NHSL1: variants seen among roughly 807,000 people sequenced by gnomAD.
The protein encoded by NHSL1 is NHS like 1.
Under a neutral mutation model 95.0 loss-of-function variants are expected in NHSL1, and 48 were observed. The ratio of observed to expected loss-of-function variants is 0.51; its 90% CI spans 0.40 to 0.64. The LOEUF is 0.64. NHSL1 is among the 30% of genes least tolerant of loss of function. The pLI, the probability that NHSL1 is intolerant of heterozygous loss-of-function variation, is 0.00. For missense variants in NHSL1, 1,971 were observed against 2,077.7 expected, an observed-to-expected ratio of 0.95 and a Z score of 1.00; for synonymous variants, 783 against 833.9, an observed-to-expected ratio of 0.94 and a Z score of 1.05.
intron 1 of NHSL1, among the ~76,000 whole-genome samples, chr6:138,561,379 T>C (rs372421948): frequency 9.2e-5 from 14 of 152,274 alleles, no homozygotes; most frequent in Admixed American, 2.6e-4. Context: ...TATTCCCTCC[T>C]CTTCCCTCCA....
intron 1 of NHSL1, among the ~76,000 whole-genome samples, chr6:138,543,643 C>A (rs1468912872): frequency 6.6e-6 from 1 of 152,194 alleles, no homozygotes; most frequent in Non-Finnish European, 1.5e-5. Flanking sequence ...CCTTGGCTAG[C>A]CACAGACCAA....
Position 138,473,397 on chromosome 6 carries a change from G to T in NHSL1, c.248C>A (p.Ser83Tyr). The T allele has an allele frequency of 6.5e-7, 1 of 1,536,974 alleles. No homozygotes were observed. Among genetic ancestry groups the T allele is most frequent in the Non-Finnish European group, 8.8e-7 (1 of 1,140,312 alleles). The part of the protein sequence containing the change: ...DKLRHDGYRS[S>Y]QYYSQGPTFA... The stretch of plus-strand genomic sequence containing the variant: ...GGTGGGTCCCTGAGAGTAGTACTGA[G>T]AACTGCGGTAGCCATCATGCCGCAA... Residue 83 changes from serine to tyrosine, a missense_variant, in exon 3 of 8, where the codon TCT becomes TAT. This residue lies in a region of NHSL1 where 1,602 missense variants were observed against 1,654.5 expected (regional missense o/e 0.97). Transcript: ENST00000343505.
chr6:138,438,700 AG>A (rs1389562030), intron 5 of NHSL1, among the ~76,000 whole-genome samples: 21 of 152,164 alleles, frequency 1.4e-4, no homozygotes, highest in African/African-American at 5.1e-4. Context: ...TATGTAATTA[AG>A]GATGCTGAAT....
intron 3 of NHSL1, among the ~76,000 whole-genome samples, chr6:138,460,354 G>C (rs900841471): frequency 6.6e-6 from 1 of 151,670 alleles, no homozygotes; most frequent in Non-Finnish European, 1.5e-5. Flanking sequence ...ATCAAAAGAT[G>C]ATATACATCA....
intron 1 of NHSL1, among the ~76,000 whole-genome samples, chr6:138,507,549 T>C (rs563174269): frequency 9.8e-5 from 15 of 152,338 alleles, no homozygotes; most frequent in African/African-American, 3.4e-4. Flanking sequence ...GGTGTGATCT[T>C]ACACTTATGC....
Position 138,674,317 on chromosome 6 carries a change from G to A in NHSL1, c.96+18159C>T, listed in dbSNP as rs184877430. On this transcript the variant is annotated intron_variant, in intron 1 of 3. Transcript: ENST00000491526. ...GCGTGTAATTTGGTTATTTTATTGT[G>A]TGTTTTTTTTTAAGTTTCAGGGTAC... Among the ~76,000 whole-genome samples, 24 of 151,776 alleles carry A rather than the reference G, an allele frequency of 1.6e-4. 1 individual carries two copies. In the East Asian group the frequency reaches 4.6e-3, roughly 29 times the overall value.
chr6:138,675,706 G>A (rs529982983), intron 1 of NHSL1, among the ~76,000 whole-genome samples: 1 of 152,026 alleles, frequency 6.6e-6, no homozygotes, highest in Non-Finnish European at 1.5e-5. Flanking sequence ...GCTGATTTTT[G>A]TATTTCTAGT....
chr6:138,623,179 G>A (rs1784689323), intron 1 of NHSL1, among the ~76,000 whole-genome samples: 1 of 152,174 alleles, frequency 6.6e-6, no homozygotes, highest in Non-Finnish European at 1.5e-5. Context: ...GTGGGCAAAA[G>A]GCCAGTTTAG....
intron 1 of NHSL1, among the ~76,000 whole-genome samples, chr6:138,659,083 T>C (rs556012421): frequency 1.4e-5 from 2 of 141,342 alleles, no homozygotes; most frequent in Admixed American, 7.6e-5. Flanking sequence ...AGAGTCTCGC[T>C]CTGTCACCCA....
At chr6:138,487,486 T>TA (rs1174688950) in intron 2 of NHSL1, among the ~76,000 whole-genome samples, 3 of 152,224 alleles carry the variant, frequency 2.0e-5, no homozygotes, top group Non-Finnish European at 4.4e-5. Flanking sequence ...AGTATGCACT[T>TA]AGACAATTTT....
intron 1 of NHSL1, among the ~76,000 whole-genome samples, chr6:138,509,542 C>T (rs1355579562): frequency 6.6e-6 from 1 of 152,100 alleles, no homozygotes; most frequent in Non-Finnish European, 1.5e-5. Flanking sequence ...CCAGGAGAAA[C>T]TGACAAAATA....
chr6:138,429,600 G>T, intron 7 of NHSL1, 111 bp downstream of exon 7: 1 of 969,938 alleles, frequency 1.0e-6, no homozygotes, highest in Non-Finnish European at 1.5e-6. Flanking sequence ...AAGTTAAGGA[G>T]TTATGATTGG....
chr6:138,558,627 T>C (rs1783291573), intron 1 of NHSL1, among the ~76,000 whole-genome samples: 1 of 149,158 alleles, frequency 6.7e-6, no homozygotes, highest in Admixed American at 6.7e-5. Flanking sequence ...TTTCACCATG[T>C]TCAGGACGGT....
At chr6:138,521,971 A>G (rs1781701431) in intron 1 of NHSL1, among the ~76,000 whole-genome samples, 1 of 152,242 alleles carries the variant, frequency 6.6e-6, no homozygotes, top group Non-Finnish European at 1.5e-5. Flanking sequence ...CCAGAAGTGC[A>G]GCCAATGACT....
chr6:138,630,577 G>T (rs1056562400), intron 1 of NHSL1, among the ~76,000 whole-genome samples: 4 of 152,212 alleles, frequency 2.6e-5, no homozygotes, highest in Middle Eastern at 3.4e-3. Context: ...TAGAGATGGG[G>T]TTTCTCCATG....
intron 3 of NHSL1, among the ~76,000 whole-genome samples, chr6:138,452,692 T>C (rs1334393361): frequency 1.3e-5 from 2 of 152,200 alleles, no homozygotes; most frequent in Non-Finnish European, 2.9e-5. Context: ...TGTTGACTCT[T>C]GGTTTTCAAG....
intron 1 of NHSL1, among the ~76,000 whole-genome samples, chr6:138,609,378 A>G (rs544429888): frequency 6.6e-6 from 1 of 152,314 alleles, no homozygotes; most frequent in East Asian, 1.9e-4. Flanking sequence ...CAGCCCAAGA[A>G]TTAGGCTGCT....
At chr6:138,452,820 C>CTTTT (rs112050516) in intron 3 of NHSL1, among the ~76,000 whole-genome samples, 1,792 of 149,636 alleles carry the variant, frequency 0.012, 46 homozygotes, top group African/African-American at 0.042. Context: ...TCTGTGCATT[C>CTTTT]TTTTTTTTTT....
chr6:138,546,448 A>AAAAAAAAAAAAAAAAAAAAAAAAAAAAAC (rs1562362745), upstream of NHSL1, among the ~76,000 whole-genome samples: 1 of 142,012 alleles, frequency 7.0e-6, no homozygotes, highest in African/African-American at 3.0e-5. Flanking sequence ...AAAAAAAAAA[A>AAAAAAAAAAAAAAAAAAAAAAAAAAAAAC]AAAAAAAAAA....
Sources: allele counts gnomAD v4.1 joint callset (sites outside exome capture counted in the v4.1 genomes callset), GRCh38; gene constraint gnomAD v4.1.1; regional missense constraint gnomAD v4.1.1; transcripts MANE v1.5; gene names NCBI Gene and HGNC (gene_info 2026-07-23, HGNC 2026-07-21).